Variants in GARNL3 observed in about 807,000 individuals in gnomAD.
GARNL3 encodes the protein GTPase-activating Rap/Ran-GAP domain-like protein 3.
In GARNL3, 63 loss-of-function variants were observed where a neutral mutation model predicts 125.0. The ratio of observed to expected loss-of-function variants is 0.50; its 90% CI spans 0.41 to 0.62. GARNL3 has a LOEUF of 0.62. Among genes scored for constraint, GARNL3 ranks in the 20% least tolerant of loss-of-function variants. GARNL3 has a pLI of 0.00. For missense variants in GARNL3, 994 were observed against 1,244.0 expected (o/e 0.80, Z 3.02); for synonymous variants, 439 against 457.5 (o/e 0.96, Z 0.52).
chr9:127,345,745 C>T (rs573552073), intron 16 of GARNL3, among the ~76,000 whole-genome samples: 1 of 152,354 alleles, frequency 6.6e-6, no homozygotes, highest in East Asian at 1.9e-4. Flanking sequence ...CAGGGCCTCT[C>T]AAGCTTTATG....
chr9:127,247,001 C>A (rs1246414771), intron 2 of GARNL3, among the ~76,000 whole-genome samples: 2 of 127,736 alleles, frequency 1.6e-5, no homozygotes, highest in Non-Finnish European at 3.1e-5. Context: ...TTCTAGATGG[C>A]GAGATTGGCA....
rs192948208 is a variant in GARNL3, at chr9:127,249,586, A to T, written c.143+6337A>T. On this transcript the variant is annotated intron_variant, in intron 2 of 10. Transcript: ENST00000439286. The stretch of plus-strand genomic sequence containing the variant: ...GGGTGATAGAGTGAGAACTTGTCTT[A>T]AAATAAATAAATAGATAAATAAATA... 2.5e-4 allele frequency among the ~76,000 whole-genome samples: 38 copies of T among 152,308 alleles called. No individual in the cohort carries two copies. In the East Asian group the frequency reaches 6.9e-3, roughly 28 times the overall value.
chr9:127,348,787 CA>C (rs1830274859), intron 16 of GARNL3, 136 bp from the exon 17 acceptor site: 1 of 573,494 alleles, frequency 1.7e-6, no homozygotes, highest in Non-Finnish European at 3.1e-6. Flanking sequence ...GTCCAGACCC[CA>C]GGGTTTGGAG....
intron 22 of GARNL3, among the ~76,000 whole-genome samples, chr9:127,375,535 A>C (rs550931236): frequency 6.6e-6 from 1 of 152,156 alleles, no homozygotes; most frequent in Non-Finnish European, 1.5e-5. Context: ...TTTGTATCCA[A>C]ATATTCATAG....
upstream of GARNL3, among the ~76,000 whole-genome samples, chr9:127,261,529 A>G (rs990362276): frequency 6.7e-6 from 1 of 149,614 alleles, no homozygotes; most frequent in East Asian, 2.0e-4. Context: ...TCCTGCCTCA[A>G]CCTCCCAAGT....
At chr9:127,315,758 CAAAT>C (rs1469400420) in intron 4 of GARNL3, among the ~76,000 whole-genome samples, 1 of 151,824 alleles carries the variant, frequency 6.6e-6, no homozygotes. Flanking sequence ...ATGGCTCACA[CAAAT>C]AAAATATGAA....
intron 7 of GARNL3, among the ~76,000 whole-genome samples, chr9:127,326,765 G>A (rs2065586648): frequency 6.6e-6 from 1 of 152,078 alleles, no homozygotes; most frequent in Admixed American, 6.5e-5. Context: ...TCATGAGGGG[G>A]GAGCCCTTGT....
At chr9:127,258,635 T>G (rs2063533278) in intron 2 of GARNL3, among the ~76,000 whole-genome samples, 3 of 152,080 alleles carry the variant, frequency 2.0e-5, no homozygotes, top group African/African-American at 7.2e-5. Flanking sequence ...TGAGACCCTG[T>G]CTCAAAAGAA....
At chr9:127,352,204 T>C (rs1830454920) in intron 17 of GARNL3, among the ~76,000 whole-genome samples, 2 of 152,206 alleles carry the variant, frequency 1.3e-5, no homozygotes. Flanking sequence ...TGCACAGGCT[T>C]GGGCTCCACA....
chr9:127,375,050 T>C (rs1240211096), intron 22 of GARNL3, among the ~76,000 whole-genome samples: 6 of 152,236 alleles, frequency 3.9e-5, no homozygotes, highest in Admixed American at 2.0e-4. Flanking sequence ...GGCTTTCTCA[T>C]GTGTGGCTGG....
At chr9:127,246,959 A>G (rs2063316164) in intron 2 of GARNL3, among the ~76,000 whole-genome samples, 1 of 134,668 alleles carries the variant, frequency 7.4e-6, no homozygotes, top group Admixed American at 8.3e-5. Flanking sequence ...TTTTGCGTCA[A>G]TGTTAATAGG....
At chr9:127,354,192 C>G in intron 18 of GARNL3, 102 bp from the exon 19 acceptor site, 1 of 838,366 alleles carries the variant, frequency 1.2e-6, no homozygotes, top group South Asian at 1.6e-5. Context: ...AATTCCAGAA[C>G]ACCTCCAATC....
intron 12 of GARNL3, among the ~76,000 whole-genome samples, chr9:127,339,203 A>G (rs1453743351): frequency 6.6e-6 from 1 of 151,820 alleles, no homozygotes; most frequent in Non-Finnish European, 1.5e-5. Context: ...AGGCTGAGGC[A>G]GGAGAATGGT....
chr9:127,312,856 A>G (rs188134764), intron 3 of GARNL3, among the ~76,000 whole-genome samples: 33 of 152,336 alleles, frequency 2.2e-4, no homozygotes, highest in African/African-American at 7.5e-4. Flanking sequence ...CAGAGCAGTG[A>G]GGACTTTAGA....
At chr9:127,299,816 C>T (rs147728363) in intron 2 of GARNL3, among the ~76,000 whole-genome samples, 446 of 152,278 alleles carry the variant, frequency 2.9e-3, no homozygotes, top group African/African-American at 9.3e-3. Flanking sequence ...CCGCCCACCT[C>T]GGCCTCCCAA....
At chr9:127,330,409 G>T (rs1039284563) in intron 7 of GARNL3, among the ~76,000 whole-genome samples, 1 of 152,170 alleles carries the variant, frequency 6.6e-6, no homozygotes, top group Non-Finnish European at 1.5e-5. Flanking sequence ...TGATCATTTG[G>T]AGACATCGTA....
Position 127,339,738 on chromosome 9 carries a change from T to C in GARNL3, c.1122T>C (p.Phe374=). The C allele has an allele frequency of 1.2e-6, 2 of 1,610,660 alleles. No homozygotes were observed. The highest frequency in any genetic ancestry group is 2.2e-5 in the East Asian group (1 of 44,856). ...CAGACCACCAGGAATTCAGGGACTT[T>C]TTGCTAGTGAAATGTAAGTTTCTGT... The part of the protein sequence containing the change: ...VFTDHQEFRD[F]LLVKLINGEK... The change falls in exon 13 of 28, where the codon TTT becomes TTC. Residue 374 remains phenylalanine, a synonymous_variant. Coordinates refer to ENST00000373387, the MANE Select transcript of GARNL3 (RefSeq NM_032293.5).
At chr9:127,251,254 G>A (rs76536591) in intron 2 of GARNL3, among the ~76,000 whole-genome samples, 7,389 of 152,092 alleles carry the variant, frequency 0.049, 460 homozygotes, top group African/African-American at 0.15. Context: ...TTTTCTTGTC[G>A]TCTCCTATAG....
chr9:127,264,292 CAT>C (rs2063655321), upstream of GARNL3: 2 of 247,162 alleles, frequency 8.1e-6, no homozygotes, highest in Non-Finnish European at 7.4e-6. Context: ...TCTTCAACAA[CAT>C]GTGATTTTTG....
Sources: allele counts gnomAD v4.1 joint callset (sites outside exome capture counted in the v4.1 genomes callset), GRCh38; gene constraint gnomAD v4.1.1; transcripts MANE v1.5; gene names NCBI Gene and HGNC (gene_info 2026-07-23, HGNC 2026-07-21).